Variants in WWOX observed in about 807,000 individuals in gnomAD.
WWOX encodes the protein WW domain containing oxidoreductase.
WWOX carries 69 observed loss-of-function variants against 46.2 expected under a neutral mutation model. That is an observed-to-expected ratio of 1.49 (90% CI 1.23 to 1.82). WWOX has a LOEUF of 1.82. WWOX is among the 40% of genes most tolerant of loss of function. The pLI is 0.00. For synonymous variants in WWOX, 359 were observed against 202.6 expected (o/e 1.77, Z -6.56); for missense variants, 919 against 542.6 (o/e 1.69, Z -6.89).
chr16:79,068,960 T>A (rs1043767605), intron 8 of WWOX, among the ~76,000 whole-genome samples: 2 of 152,122 alleles, frequency 1.3e-5, no homozygotes, highest in African/African-American at 4.8e-5. Flanking sequence ...ATTTCACAGT[T>A]GTCTTACGCA....
chr16:79,132,599 C>T (rs982742503), intron 8 of WWOX, among the ~76,000 whole-genome samples: 23 of 152,098 alleles, frequency 1.5e-4, no homozygotes, highest in African/African-American at 5.6e-4. Flanking sequence ...TTCTCTGTGT[C>T]TCTCTTTTTC....
At chr16:78,862,556 A>C (rs993675178) in intron 8 of WWOX, among the ~76,000 whole-genome samples, 1 of 152,104 alleles carries the variant, frequency 6.6e-6, no homozygotes, top group Non-Finnish European at 1.5e-5. Flanking sequence ...TTGACTCATG[A>C]AATTACAGAG....
intron 5 of WWOX, among the ~76,000 whole-genome samples, chr16:78,323,390 C>T (rs1031785736): frequency 1.3e-5 from 2 of 152,210 alleles, no homozygotes; most frequent in African/African-American, 4.8e-5. Context: ...CAGGCGTGAG[C>T]CACTGCGCCC....
chr16:79,006,688 TG>T (rs2047197674), intron 8 of WWOX, among the ~76,000 whole-genome samples: 1 of 152,158 alleles, frequency 6.6e-6, no homozygotes, highest in South Asian at 2.1e-4. Context: ...CAGGTGTAGG[TG>T]GGGCTGGGCT....
intron 8 of WWOX, among the ~76,000 whole-genome samples, chr16:78,822,592 C>T (rs1429528766): frequency 6.6e-6 from 1 of 152,200 alleles, no homozygotes; most frequent in African/African-American, 2.4e-5. Flanking sequence ...ATAAAGTCTT[C>T]AGAGCCTAGA....
At position 78,446,393 on chromosome 16, in the gene WWOX, T is replaced by C. The variant is rs886127529; in HGVS notation, c.1056+13641T>C. Among the ~76,000 whole-genome samples the C allele has an allele frequency of 2.0e-5, 3 of 152,252 alleles. No homozygotes were observed. The East Asian group carries it at 5.8e-4, about 30-fold the overall frequency. Reference sequence around the variant, plus strand: ...GAAGTCTCAGGTCCTTGTCTGCCTTTGCTTTGACACGAGATGTTGCCTGCC... The same window carrying C: ...GAAGTCTCAGGTCCTTGTCTGCCTTCGCTTTGACACGAGATGTTGCCTGCC... On this transcript the variant is annotated intron_variant, in intron 8 of 8. Coordinates refer to ENST00000566780, the MANE Select transcript of WWOX (RefSeq NM_016373.4).
At chr16:78,777,539 G>A (rs1399769438) in intron 8 of WWOX, among the ~76,000 whole-genome samples, 1 of 152,156 alleles carries the variant, frequency 6.6e-6, no homozygotes, top group Non-Finnish European at 1.5e-5. Flanking sequence ...GTCCTACTGA[G>A]TGGTCAGCTG....
At chr16:78,437,093 A>G (rs944401825) in intron 8 of WWOX, among the ~76,000 whole-genome samples, 2 of 152,308 alleles carry the variant, frequency 1.3e-5, no homozygotes, top group Non-Finnish European at 1.5e-5. Context: ...GCTGGAGTAC[A>G]CATTCTGTTG....
chr16:78,807,948 G>A (rs576953032), intron 8 of WWOX, among the ~76,000 whole-genome samples: 111 of 152,234 alleles, frequency 7.3e-4, no homozygotes, highest in African/African-American at 2.6e-3. Flanking sequence ...TCATTTCATC[G>A]GACAGTTTAA....
chr16:78,728,044 C>G lies in WWOX; in HGVS notation c.1056+295292C>G, dbSNP rs537087450. 6.5e-4 allele frequency among the ~76,000 whole-genome samples: 62 copies of G among 95,810 alleles called. 1 individual carries two copies. The highest frequency in any genetic ancestry group is 1.1e-3 in the Non-Finnish European group (51 of 46,356). 62.9% of individuals were successfully genotyped at this position (95,810 alleles called of 152,430 possible). A position where few individuals can be genotyped will look rare whatever the true frequency, so the allele number is the denominator to read the frequency against. The stretch of plus-strand genomic sequence containing the variant: ...AGATAACTCCCTTCCTCTTTCCTCT[C>G]TCCCTCCTTCCTTTTTTTTTTTTTT... On this transcript the variant is annotated intron_variant, in intron 8 of 8. Transcript: ENST00000566780.
chr16:78,462,788 T>C (rs1597119626), intron 8 of WWOX, among the ~76,000 whole-genome samples: 2 of 152,316 alleles, frequency 1.3e-5, no homozygotes, highest in Middle Eastern at 6.8e-3. Flanking sequence ...TAGTTACGCT[T>C]CCCTTGATTA....
chr16:78,511,673 A>T (rs1375403228), intron 8 of WWOX, among the ~76,000 whole-genome samples: 1 of 152,200 alleles, frequency 6.6e-6, no homozygotes, highest in Non-Finnish European at 1.5e-5. Flanking sequence ...CAATATCTGT[A>T]GTACCCCCCG....
At chr16:78,229,500 C>CTATATATATA (rs1202195249) in intron 5 of WWOX, among the ~76,000 whole-genome samples, 31 of 110,512 alleles carry the variant, frequency 2.8e-4, no homozygotes, top group African/African-American at 9.5e-4. Context: ...ATATATTTAT[C>CTATATATATA]TATATCTATA....
intron 4 of WWOX, among the ~76,000 whole-genome samples, chr16:78,125,478 T>C (rs1383296825): frequency 6.6e-6 from 1 of 152,148 alleles, no homozygotes; most frequent in Non-Finnish European, 1.5e-5. Flanking sequence ...GAAGCCTCGC[T>C]CTGTGCCCGG....
chr16:78,586,959 T>G (rs2045223009), intron 8 of WWOX, among the ~76,000 whole-genome samples: 1 of 152,294 alleles, frequency 6.6e-6, no homozygotes, highest in South Asian at 2.1e-4. Flanking sequence ...GCCAAGATTC[T>G]ATAGCATCTG....
At chr16:78,964,431 C>T (rs59064947) in intron 8 of WWOX, among the ~76,000 whole-genome samples, 2,607 of 152,242 alleles carry the variant, frequency 0.017, 95 homozygotes, top group African/African-American at 0.059. Context: ...TTTGCCCCTG[C>T]GCTAGAGATT....
chr16:78,629,840 T>C (rs1287560858), intron 8 of WWOX, among the ~76,000 whole-genome samples: 7 of 152,220 alleles, frequency 4.6e-5, no homozygotes, highest in Non-Finnish European at 1.0e-4. Context: ...AAAAAACTAA[T>C]TTAGAAATAG....
At chr16:78,524,600 T>G (rs959963166) in intron 8 of WWOX, among the ~76,000 whole-genome samples, 23 of 151,944 alleles carry the variant, frequency 1.5e-4, no homozygotes, top group Admixed American at 1.3e-3. Flanking sequence ...TTTATATTTT[T>G]AGTAAAGACG....
At chr16:78,640,218 G>C (rs954037480) in intron 8 of WWOX, among the ~76,000 whole-genome samples, 5 of 99,086 alleles carry the variant, frequency 5.0e-5, no homozygotes, top group East Asian at 3.4e-4. Context: ...TTTTCTTCTT[G>C]TTGTTGGGTT....
Sources: allele counts gnomAD v4.1 joint callset (sites outside exome capture counted in the v4.1 genomes callset), GRCh38; gene constraint gnomAD v4.1.1; transcripts MANE v1.5; gene names NCBI Gene and HGNC (gene_info 2026-07-23, HGNC 2026-07-21).